HMCN1: variants seen among roughly 807,000 people sequenced by gnomAD.
HMCN1 encodes hemicentin-1.
A neutral mutation model predicts 625.9 loss-of-function variants in HMCN1; 321 were observed. The observed-to-expected ratio is 0.51, with a 90% CI of 0.47 to 0.56. HMCN1 has a LOEUF of 0.56. Ranked by LOEUF, HMCN1 falls within the 20% of genes least tolerant of loss-of-function variation. The pLI is 0.00. For synonymous variants in HMCN1, 2,425 were observed against 2,417.6 expected (o/e 1.00, Z -0.09); for missense variants, 6,588 against 6,887.3 (o/e 0.96, Z 1.54).
intron 77 of HMCN1, among the ~76,000 whole-genome samples, chr1:186,117,840 T>TCAG (rs1307163653): frequency 3.3e-5 from 5 of 152,126 alleles, no homozygotes; most frequent in Non-Finnish European, 5.9e-5. Flanking sequence ...AAAATAACAA[T>TCAG]ATCTAAGACT....
At chr1:185,920,123 A>G (rs1366101771) in intron 6 of HMCN1, among the ~76,000 whole-genome samples, 2 of 152,260 alleles carry the variant, frequency 1.3e-5, no homozygotes, top group Admixed American at 6.5e-5. Flanking sequence ...CTGTTCAAGT[A>G]TTAGAATTCT....
At chr1:186,088,429 A>C (rs577384238) in intron 62 of HMCN1, among the ~76,000 whole-genome samples, 153 bp downstream of exon 62, 2 of 152,142 alleles carry the variant, frequency 1.3e-5, no homozygotes, top group African/African-American at 4.8e-5. Context: ...TACAAAATAG[A>C]CTCATTGTAA....
At chr1:185,832,277 C>G (rs1210266544) in intron 1 of HMCN1, among the ~76,000 whole-genome samples, 2 of 151,936 alleles carry the variant, frequency 1.3e-5, no homozygotes, top group African/African-American at 4.8e-5. Context: ...GCCTGGGAGA[C>G]AGTGAAACTC....
Position 186,157,981 on chromosome 1 carries a change from G to A in HMCN1, c.15256+3994G>A, listed in dbSNP as rs570704645. Among the ~76,000 whole-genome samples, 1,035 of 151,916 alleles carry A rather than the reference G, an allele frequency of 6.8e-3. 7 individuals are homozygous for A. The highest frequency in any genetic ancestry group is 0.024 in the African/African-American group (977 of 41,394). ...AGTAATGGGATGGCTGGATCAAATGGTATTTCTAGTTCTAGATCCCTGAGG... is the reference window on the plus strand; with the variant it reads ...AGTAATGGGATGGCTGGATCAAATGATATTTCTAGTTCTAGATCCCTGAGG... On this transcript the variant is annotated intron_variant, in intron 97 of 106. Coordinates refer to ENST00000271588, the MANE Select transcript of HMCN1 (RefSeq NM_031935.3).
At chr1:186,135,116 G>A (rs938373824) in intron 86 of HMCN1, among the ~76,000 whole-genome samples, 3 of 152,082 alleles carry the variant, frequency 2.0e-5, no homozygotes, top group African/African-American at 7.2e-5. Context: ...TTTTCCCAAT[G>A]AAGTCTGTCA....
chr1:185,879,329 C>T (rs1462451498), intron 4 of HMCN1, among the ~76,000 whole-genome samples: 1 of 152,042 alleles, frequency 6.6e-6, no homozygotes, highest in Admixed American at 6.5e-5. Flanking sequence ...CACCACCATG[C>T]CCAGCTAATT....
chr1:185,990,433 T>C lies in HMCN1; in HGVS notation c.3367T>C (p.Phe1123Leu). Residue 1123 changes from phenylalanine (F) to leucine (L), a missense_variant, in exon 22 of 107, where the codon TTC becomes CTC. Coordinates refer to ENST00000271588, the MANE Select transcript of HMCN1 (RefSeq NM_031935.3). ...CAAAGAAACCCAGCTCATCTCACCG[T>C]TCTCTCCAAGGTAGGAGATCTGGGA... ...WAKETQLISP[F>L]SPRHTFLPSG... 1 of 1,613,966 alleles carries C rather than the reference T, an allele frequency of 6.2e-7. No homozygotes were observed. Among genetic ancestry groups the C allele is most frequent in the Non-Finnish European group, 8.5e-7 (1 of 1,179,852 alleles).
At position 185,823,385 on chromosome 1, in the gene HMCN1, G is replaced by T. The variant is rs372166236; in HGVS notation, c.269-22641G>T. 3.9e-5 allele frequency among the ~76,000 whole-genome samples: 6 copies of T among 152,160 alleles called. No individual in the cohort carries two copies. The East Asian group carries it at 1.2e-3, about 29-fold the overall frequency. ...GCAAACATGTAAAACAACTGTGAAAGTGTAGGCAACATATAAAAAAATTGT... is the reference window on the plus strand; with the variant it reads ...GCAAACATGTAAAACAACTGTGAAATTGTAGGCAACATATAAAAAAATTGT... On this transcript the variant is annotated intron_variant, in intron 1 of 106. Transcript: ENST00000271588.
chr1:185,922,291 A>G lies in HMCN1; in HGVS notation c.901-88A>G, dbSNP rs930379707. ...TTTTGGACATCGATCCTAATTAAAT[A>G]TTGTGCAGTTTCCCATACTGGCGAG... On this transcript the variant is annotated intron_variant, in intron 6 of 106. Transcript: ENST00000271588. 18 of 1,399,736 alleles carry G rather than the reference A, an allele frequency of 1.3e-5. No individual in the cohort carries two copies. In the Admixed American group the frequency reaches 2.9e-4, roughly 22 times the overall value. 86.7% of individuals were successfully genotyped at this position (1,399,736 alleles called of 1,614,324 possible).
Position 185,962,611 on chromosome 1 carries a change from C to T in HMCN1, c.1922C>T (p.Pro641Leu). ...TGTTCTGCAACAGGTTATCCCAAAC[C>T]AAAGATTGCCTGGACCGTTAACGAT... is the stretch of plus-strand genomic sequence containing the variant. ...IMCSATGYPK[P>L]KIAWTVNDMF... is the part of the protein sequence containing the mutation. Residue 641 changes from proline (P) to leucine (L), a missense_variant, in exon 12 of 107, where the codon CCA (proline) becomes CTA (leucine). This residue lies in a region of HMCN1 where 4,628 missense variants were observed against 4,853.1 expected (regional missense o/e 0.95). Transcript: ENST00000271588. The T allele has an allele frequency of 6.3e-7, 1 of 1,588,776 alleles. No individual in the cohort carries two copies.
chr1:186,007,017 A>T, intron 29 of HMCN1, 111 bp from the exon 30 acceptor site: 2 of 840,564 alleles, frequency 2.4e-6, no homozygotes, highest in Non-Finnish European at 3.9e-6. Context: ...TTTATTTTTT[A>T]AATTAACTTT....
chr1:185,864,643 A>C lies in HMCN1; in HGVS notation c.498+15A>C, dbSNP rs565661847. Reference sequence around the variant, plus strand: ...AACAGTCACAAGTGAGTAAGAATCAACCCCAAACGTCTCTGTCTAAATGCA... The same window carrying C: ...AACAGTCACAAGTGAGTAAGAATCACCCCCAAACGTCTCTGTCTAAATGCA... On this transcript the variant is annotated intron_variant, in intron 3 of 106. Transcript: ENST00000271588. 56 of 1,613,194 alleles carry C rather than the reference A, an allele frequency of 3.5e-5. No homozygotes were observed. The East Asian group carries it at 1.2e-3, about 34-fold the overall frequency.
chr1:185,902,405 CTCTATCTA>C (rs57523158), intron 4 of HMCN1, among the ~76,000 whole-genome samples: 2,860 of 145,396 alleles, frequency 0.02, 51 homozygotes, highest in African/African-American at 0.037. Context: ...ATCTATCTAT[CTCTATCTA>C]TCTATCTATC....
chr1:186,188,226 G>A lies in HMCN1; in HGVS notation c.16541+217G>A, dbSNP rs1653477823. Reference sequence around the variant, plus strand: ...CACCCAAGCTCACTCTTGGCTGCCAGTGTTGCCTGGAGCAGTCTTCCCAGA... The same window carrying A: ...CACCCAAGCTCACTCTTGGCTGCCAATGTTGCCTGGAGCAGTCTTCCCAGA... On this transcript the variant is annotated intron_variant, in intron 106 of 106. Transcript: ENST00000271588. 2.6e-5 allele frequency among the ~76,000 whole-genome samples: 4 copies of A among 152,240 alleles called. No individual in the cohort carries two copies. The South Asian group carries it at 8.3e-4, about 32-fold the overall frequency.
Position 185,962,569 on chromosome 1 carries a change from C to T in HMCN1, c.1880C>T (p.Ser627Phe). Reference protein sequence around the residue: ...MPKNQSFTGGSEVSIMCSATG... With the variant: ...MPKNQSFTGGFEVSIMCSATG... ...AAGAATCAGTCTTTCACAGGAGGGT[C>T]TGAGGTCTCCATCATGTGTTCTGCA... The change falls in exon 12 of 107, where the codon TCT (serine) becomes TTT (phenylalanine). Residue 627 changes from serine to phenylalanine, a missense_variant. Coordinates refer to ENST00000271588, the MANE Select transcript of HMCN1 (RefSeq NM_031935.3). The T allele has an allele frequency of 6.2e-7, 1 of 1,610,044 alleles. No homozygotes were observed. The highest frequency in any genetic ancestry group is 8.5e-7 in the Non-Finnish European group (1 of 1,176,346).
intron 4 of HMCN1, among the ~76,000 whole-genome samples, chr1:185,902,399 ATC>A (rs1235354532): frequency 3.0e-5 from 4 of 135,208 alleles, no homozygotes; most frequent in African/African-American, 1.0e-4. Flanking sequence ...CTATCTATCT[ATC>A]TATCTCTATC....
chr1:185,995,481 T>C (rs1406985448), intron 24 of HMCN1, among the ~76,000 whole-genome samples: 1 of 152,136 alleles, frequency 6.6e-6, no homozygotes, highest in East Asian at 1.9e-4. Context: ...CTATTAATAC[T>C]GTATTTGCTT....
At chr1:186,130,160 TG>T (rs1184445709) in intron 84 of HMCN1, 60 bp downstream of exon 84, 42 of 1,605,422 alleles carry the variant, frequency 2.6e-5, no homozygotes, top group Non-Finnish European at 3.0e-5. Context: ...GTTCAAGTTT[TG>T]CTTCTTTATT....
chr1:185,757,394 A>G (rs1463347548), intron 1 of HMCN1, among the ~76,000 whole-genome samples: 1 of 151,988 alleles, frequency 6.6e-6, no homozygotes, highest in Non-Finnish European at 1.5e-5. Flanking sequence ...TCATCTTCCT[A>G]TGAATGCCAT....
Sources: gnomAD v4.1 joint callset for allele counts (sites outside exome capture counted in the v4.1 genomes callset) on GRCh38, gnomAD v4.1.1 for gene constraint, gnomAD v4.1.1 regional missense constraint, MANE v1.5 for transcripts, NCBI Gene and HGNC (gene_info 2026-07-23, HGNC 2026-07-21) for gene names.